DERA: variants seen among roughly 807,000 people sequenced by gnomAD.
The protein encoded by DERA is 2-deoxy-D-ribose 5-phosphate aldolase.
Under a neutral mutation model 41.1 loss-of-function variants are expected in DERA, and 15 were observed. The ratio of observed to expected loss-of-function variants is 0.37; its 90% CI spans 0.24 to 0.56. DERA has a LOEUF of 0.56. DERA is among the 20% of genes least tolerant of loss of function. DERA has a pLI of 0.81. For missense variants in DERA, 396 were observed against 403.4 expected, an observed-to-expected ratio of 0.98 and a Z score of 0.16; for synonymous variants, 139 against 137.4, an observed-to-expected ratio of 1.01 and a Z score of -0.08.
In DERA at chr12:15,989,376, T is replaced by C. The variant is rs1482379764; in HGVS notation, c.637+6940T>C. Among the ~76,000 whole-genome samples the C allele has an allele frequency of 6.6e-6, 1 of 152,266 alleles. No individual in the cohort carries two copies. Among genetic ancestry groups the C allele is most frequent in the Admixed American group, 6.5e-5 (1 of 15,292 alleles). ...TGAAATGTATGCTGCTGTACATTTTTAGTTTAGAATTTCCATTTGATTCTT... is the reference window on the plus strand; with the variant it reads ...TGAAATGTATGCTGCTGTACATTTTCAGTTTAGAATTTCCATTTGATTCTT... On this transcript the variant is annotated intron_variant, in intron 6 of 8. Transcript: ENST00000428559. The surrounding 1 kb of genome is among the most constrained non-coding windows in gnomAD (Gnocchi z 5.2).
chr12:15,971,866 A>G (rs1948663234), intron 5 of DERA: 1 of 309,438 alleles, frequency 3.2e-6, no homozygotes, highest in Non-Finnish European at 6.4e-6. Context: ...AAAGTGAACA[A>G]GGCCAGCAGA....
At chr12:15,932,653 G>C (rs146469793) in intron 1 of DERA, among the ~76,000 whole-genome samples, 1 of 151,342 alleles carries the variant, frequency 6.6e-6, no homozygotes, top group Non-Finnish European at 1.5e-5. Context: ...AAAAAAAAAA[G>C]TTTCACTATA....
chr12:15,919,017 A>G (rs144491815), intron 1 of DERA, among the ~76,000 whole-genome samples: 3 of 152,350 alleles, frequency 2.0e-5, no homozygotes, highest in African/African-American at 7.2e-5. Flanking sequence ...TGTGAAATAC[A>G]TACACAGAGT....
rs1948330014 is a variant in DERA, at chr12:15,931,776, TG to T, written c.31+20363del. Among the ~76,000 whole-genome samples the T allele has an allele frequency of 6.6e-6, 1 of 152,008 alleles. No individual in the cohort carries two copies. The highest frequency in any genetic ancestry group is 1.9e-4 in the East Asian group (1 of 5,188). Reference sequence around the variant, plus strand: ...ATGCTCTCTCTGGGGAGGGAGTGGGTGAGTGAGTTCTTGCTCTCTTGGGAAT... The same window carrying T: ...ATGCTCTCTCTGGGGAGGGAGTGGGTAGTGAGTTCTTGCTCTCTTGGGAAT... On this transcript the variant is annotated intron_variant, in intron 1 of 8. Coordinates refer to ENST00000428559, the MANE Select transcript of DERA (RefSeq NM_015954.4). The surrounding 1 kb of genome is among the most constrained non-coding windows in gnomAD (Gnocchi z 4.6).
chr12:15,933,237 A>AG (rs1948342182), intron 1 of DERA, among the ~76,000 whole-genome samples: 1 of 151,792 alleles, frequency 6.6e-6, no homozygotes, highest in Non-Finnish European at 1.5e-5. Flanking sequence ...TTTTTGAGGA[A>AG]CCTCTATATA....
At position 15,936,886 on chromosome 12, in the gene DERA, T is replaced by TTGTCCTGTCCTGTCCTGTCCTGTCC. The variant is rs71438363; in HGVS notation, c.32-20025_32-20001dup. 3.7e-5 allele frequency among the ~76,000 whole-genome samples: 5 copies of TTGTCCTGTCCTGTCCTGTCCTGTCC among 136,932 alleles called. No individual in the cohort carries two copies. Among genetic ancestry groups the TTGTCCTGTCCTGTCCTGTCCTGTCC allele is most frequent in the Admixed American group, 2.1e-4 (3 of 14,004 alleles). The allele number at this position is 136,932 out of a possible 152,430, so 89.8% of individuals were successfully genotyped here. ...TTGTCTTGTCTTGTCTTGTCTTGTC[T>TTGTCCTGTCCTGTCCTGTCCTGTCC]TGTCCTGTCCTGTCCTGTCCTGTCC... On this transcript the variant is annotated intron_variant, in intron 1 of 8. Transcript: ENST00000428559. The surrounding 1 kb of genome is among the most constrained non-coding windows in gnomAD (Gnocchi z 4.6).
At position 16,035,203 on chromosome 12, in the gene DERA, T is replaced by G. The variant is rs973127290; in HGVS notation, c.751-1029T>G. ...TCAGGACTTAAATATTGATTGGGTG[T>G]GGTGTGGCCAGGGAATGGTGGAGTT... On this transcript the variant is annotated intron_variant, in intron 7 of 8. Coordinates refer to ENST00000428559, the MANE Select transcript of DERA (RefSeq NM_015954.4). This position sits in a 1 kb window ranked among gnomAD's most constrained non-coding sequence, Gnocchi z 4.1. 1.1e-4 allele frequency among the ~76,000 whole-genome samples: 16 copies of G among 152,300 alleles called. No homozygotes were observed. Among genetic ancestry groups the G allele is most frequent in the Middle Eastern group, 3.4e-3 (1 of 294 alleles).
In DERA at chr12:16,014,129, T is replaced by G. The variant is rs1482340155; in HGVS notation, c.638-18413T>G. On this transcript the variant is annotated intron_variant, in intron 6 of 8. Coordinates refer to ENST00000428559, the MANE Select transcript of DERA (RefSeq NM_015954.4). This position sits in a 1 kb window ranked among gnomAD's most constrained non-coding sequence, Gnocchi z 5.4. The stretch of plus-strand genomic sequence containing the variant: ...TTAAAAGGGAAGCAGAGCATAAAAG[T>G]TTAGAAAATTTGCAGCCTGATGATG... Among the ~76,000 whole-genome samples the G allele has an allele frequency of 3.3e-5, 5 of 152,148 alleles. 1 individual carries two copies. The highest frequency in any genetic ancestry group is 2.6e-4 in the Admixed American group (4 of 15,274).
At chr12:16,031,472 A>C (rs1428117518) in intron 6 of DERA, among the ~76,000 whole-genome samples, 1 of 152,174 alleles carries the variant, frequency 6.6e-6, no homozygotes, top group Non-Finnish European at 1.5e-5. Flanking sequence ...CACACAAATC[A>C]CCTAGGAACT....
rs1331373503 is a variant in DERA, at chr12:15,982,272, C to T, written c.509-36C>T. On this transcript the variant is annotated intron_variant, in intron 5 of 8. Coordinates refer to ENST00000428559, the MANE Select transcript of DERA (RefSeq NM_015954.4). This position sits in a 1 kb window ranked among gnomAD's most constrained non-coding sequence, Gnocchi z 4.0. ...GCTGCCAAGTTATGTTATCACTTGCCTGCTTTGTAACTGCCTCAATTATTT... is the reference window on the plus strand; with the variant it reads ...GCTGCCAAGTTATGTTATCACTTGCTTGCTTTGTAACTGCCTCAATTATTT... 2 of 1,595,224 alleles carry T rather than the reference C, an allele frequency of 1.3e-6. No homozygotes were observed. Among genetic ancestry groups the T allele is most frequent in the African/African-American group, 1.4e-5 (1 of 74,030 alleles).
In DERA at chr12:15,981,609, T is replaced by C. The variant is rs1221527247; in HGVS notation, c.509-699T>C. The stretch of plus-strand genomic sequence containing the variant: ...TTCATGTAAAATGTTACCTTGAATA[T>C]GAAATATGAAATAAATCTGGGCCCA... On this transcript the variant is annotated intron_variant, in intron 5 of 8. Coordinates refer to ENST00000428559, the MANE Select transcript of DERA (RefSeq NM_015954.4). This position sits in a 1 kb window ranked among gnomAD's most constrained non-coding sequence, Gnocchi z 6.1. 1.3e-5 allele frequency among the ~76,000 whole-genome samples: 2 copies of C among 152,190 alleles called. No individual in the cohort carries two copies. The highest frequency in any genetic ancestry group is 4.8e-5 in the African/African-American group (2 of 41,448).
At position 15,952,024 on chromosome 12, in the gene DERA, C is replaced by T. The variant is rs139020841; in HGVS notation, c.32-4912C>T. ...TCAAGCGATTCTTCTGCCTCAGTCCCCTGACTACTGAGACTACAGGCTTGC... is the reference window on the plus strand; with the variant it reads ...TCAAGCGATTCTTCTGCCTCAGTCCTCTGACTACTGAGACTACAGGCTTGC... On this transcript the variant is annotated intron_variant, in intron 1 of 8. Coordinates refer to ENST00000428559, the MANE Select transcript of DERA (RefSeq NM_015954.4). Among the ~76,000 whole-genome samples, 1,470 of 152,216 alleles carry T rather than the reference C, an allele frequency of 9.7e-3. 28 individuals carry two copies. Among genetic ancestry groups the T allele is most frequent in the African/African-American group, 0.034 (1,421 of 41,516 alleles).
intron 1 of DERA, among the ~76,000 whole-genome samples, chr12:15,930,864 A>T (rs1464348784): frequency 1.3e-5 from 2 of 152,170 alleles, no homozygotes; most frequent in East Asian, 3.9e-4. Flanking sequence ...CCAAAAATAG[A>T]TTTTTTCCTG....
At chr12:15,978,062 C>T (rs1294660616) in intron 5 of DERA, among the ~76,000 whole-genome samples, 1 of 152,072 alleles carries the variant, frequency 6.6e-6, no homozygotes, top group Non-Finnish European at 1.5e-5. Context: ...TTCGTTTTTC[C>T]ATTGTTTGGC....
chr12:16,008,472 G>A lies in DERA; in HGVS notation c.638-24070G>A, dbSNP rs555941725. On this transcript the variant is annotated intron_variant, in intron 6 of 8. Transcript: ENST00000428559. The surrounding 1 kb of genome is among the most constrained non-coding windows in gnomAD (Gnocchi z 4.8). ...GTCAGCTGCACAGAGCAGAGTGTGTGAGGGAAGGATAACTCGTGTCCCTGG... is the reference window on the plus strand; with the variant it reads ...GTCAGCTGCACAGAGCAGAGTGTGTAAGGGAAGGATAACTCGTGTCCCTGG... Among the ~76,000 whole-genome samples the A allele has an allele frequency of 2.0e-5, 3 of 152,336 alleles. No homozygotes were observed. The highest frequency in any genetic ancestry group is 3.9e-4 in the East Asian group (2 of 5,188).
chr12:15,915,465 T>G lies in DERA; in HGVS notation c.31+4051T>G, dbSNP rs998174516. ...GATATTTATTTATTTATTTGTTTAT[T>G]TATTGTTTCAATAGAGACCGTGTGT... is the stretch of plus-strand genomic sequence containing the variant. On this transcript the variant is annotated intron_variant, in intron 1 of 8. Transcript: ENST00000428559. The surrounding 1 kb of genome is among the most constrained non-coding windows in gnomAD (Gnocchi z 4.8). Among the ~76,000 whole-genome samples, 1 of 152,166 alleles carries G rather than the reference T, an allele frequency of 6.6e-6. No homozygotes were observed. Among genetic ancestry groups the G allele is most frequent in the African/African-American group, 2.4e-5 (1 of 41,424 alleles).
intron 1 of DERA, among the ~76,000 whole-genome samples, chr12:15,946,846 T>C (rs1360212836): frequency 6.6e-6 from 1 of 152,206 alleles, no homozygotes; most frequent in Non-Finnish European, 1.5e-5. Flanking sequence ...CTTTCCTGCT[T>C]TTTCCTGTGG....
intron 5 of DERA, among the ~76,000 whole-genome samples, chr12:15,977,824 T>TTA (rs932711988): frequency 9.2e-5 from 14 of 152,358 alleles, no homozygotes; most frequent in African/African-American, 2.9e-4. Context: ...GATGGTTAAA[T>TTA]AGCGTGTGGA....
In DERA at chr12:15,938,513, G is replaced by A. The variant is rs956510794; in HGVS notation, c.32-18423G>A. ...AAGCTTCTTAGCTGTATCAATCTAT[G>A]TGTCTAAGTTGCATTTTGTGTTTAT... On this transcript the variant is annotated intron_variant, in intron 1 of 8. Coordinates refer to ENST00000428559, the MANE Select transcript of DERA (RefSeq NM_015954.4). The surrounding 1 kb of genome is among the most constrained non-coding windows in gnomAD (Gnocchi z 4.1). 6.6e-6 allele frequency among the ~76,000 whole-genome samples: 1 copy of A among 152,140 alleles called. No individual in the cohort carries two copies. The highest frequency in any genetic ancestry group is 6.5e-5 in the Admixed American group (1 of 15,270).
Sources: allele counts gnomAD v4.1 joint callset (sites outside exome capture counted in the v4.1 genomes callset), GRCh38; gene constraint gnomAD v4.1.1; non-coding constraint Gnocchi (gnomAD v3.1); transcripts MANE v1.5; gene names NCBI Gene and HGNC (gene_info 2026-07-23, HGNC 2026-07-21).